Variants in SETX observed in about 807,000 individuals in gnomAD.
SETX encodes senataxin, also known as helicase senataxin.
Under a neutral mutation model 227.2 loss-of-function variants are expected in SETX, and 90 were observed. The observed-to-expected ratio is 0.40, with a 90% confidence interval of 0.33 to 0.47. The LOEUF (loss-of-function observed/expected upper bound fraction) is 0.47, where lower values mean the gene tolerates loss of function less well. Ranked by LOEUF, SETX falls within the 20% of genes least tolerant of loss-of-function variation. SETX has a pLI of 0.91. For missense variants in SETX, 3,052 were observed against 3,181.5 expected (o/e 0.96, Z 0.98); for synonymous variants, 1,210 against 1,113.2 (o/e 1.09, Z -1.73).
In SETX at chr9:132,334,659, G is replaced by T. The variant is rs746279986; in HGVS notation, c.787C>A (p.Gln263Lys). ...AGTATCGATTGCATAAAATCATTTT[G>T]TTTGTCTGAGCCCAACAACAGGGAA... ...MDSLLLGSDKQNDFMQSILHT... is the reference protein window; with the variant it reads ...MDSLLLGSDKKNDFMQSILHT... Residue 263 changes from glutamine to lysine, a missense_variant, in exon 7 of 26, where the codon CAA becomes AAA. By Grantham distance (53) the Gln-to-Lys change is moderately conservative (BLOSUM62 1). Coordinates refer to ENST00000224140, the MANE Select transcript of SETX (RefSeq NM_015046.7). 3.7e-6 allele frequency: 6 copies of T among 1,614,016 alleles called. No homozygotes were observed. In the South Asian group the frequency reaches 6.6e-5, roughly 18 times the overall value.
At chr9:132,325,929 A>G (rs12006250) in intron 10 of SETX, among the ~76,000 whole-genome samples, 3 of 123,146 alleles carry the variant, frequency 2.4e-5, no homozygotes, top group African/African-American at 9.7e-5. Flanking sequence ...GCAAAACTCC[A>G]CCTAAAAAAA....
intron 5 of SETX, among the ~76,000 whole-genome samples, chr9:132,340,556 A>G (rs1237335300): frequency 7.9e-6 from 1 of 127,000 alleles, no homozygotes; most frequent in African/African-American, 2.8e-5. Context: ...GTACTCACTC[A>G]CTGCCACGCA....
In SETX at chr9:132,271,739, G is replaced by A; in HGVS notation, c.7170C>T (p.Val2390=). The A allele has an allele frequency of 6.2e-7, 1 of 1,613,952 alleles. No homozygotes were observed. The highest frequency in any genetic ancestry group is 8.5e-7 in the Non-Finnish European group (1 of 1,179,962). The change falls in exon 24 of 26, where the codon GTC becomes GTT. Residue 2390 remains valine (V), a synonymous_variant. Coordinates refer to ENST00000224140, the MANE Select transcript of SETX (RefSeq NM_015046.7). ...TTGAACCTTGGATGCTATTTGCTCT[G>A]ACACACGTAACAATAACACAATCCT... ...RQKDCVIVTC[V]RANSIQGSIG...
intron 6 of SETX, 101 bp from the exon 7 acceptor site, chr9:132,334,828 A>G (rs1225084480): frequency 1.5e-6 from 2 of 1,300,548 alleles, no homozygotes; most frequent in East Asian, 4.7e-5. Flanking sequence ...ATGAAGCAAG[A>G]TAGTATTTAG....
At chr9:132,310,406 TAACA>T (rs1273497026) in intron 11 of SETX, among the ~76,000 whole-genome samples, 2 of 152,208 alleles carry the variant, frequency 1.3e-5, no homozygotes, top group Non-Finnish European at 2.9e-5. Flanking sequence ...GATATAAACT[TAACA>T]AAAATGCATT....
chr9:132,330,393 C>T lies in SETX; in HGVS notation c.1205G>A (p.Arg402His). 1.9e-6 allele frequency: 3 copies of T among 1,614,136 alleles called. No individual in the cohort carries two copies. Among genetic ancestry groups the T allele is most frequent in the Non-Finnish European group, 2.5e-6 (3 of 1,180,000 alleles). Residue 402 changes from arginine (R) to histidine (H), a missense_variant, in exon 10 of 26, where the codon CGT becomes CAT. Physicochemically the swap from Arg to His is conservative, Grantham distance 29. Transcript: ENST00000224140. ...VLQSDIGQDM[R>H]VHNSTFLWFI... ...CCATAGAAATGTGCTGTTATGAACA[C>T]GCATGTCTTGACCAATATCTGACTG...
rs747030923 is a variant in SETX at position 132,298,093 on chromosome 9, G to C, written c.5768C>G (p.Thr1923Arg). ...ATCATCACTCACAATTCTCTCAGAT[G>C]TTGTAGTCAGTAAATCTTTTGTACA... ...DFCTKDLLTT[T>R]SERIIAYLRD... Residue 1923 changes from threonine (T) to arginine (R), a missense_variant, in exon 13 of 26, where the codon ACA becomes AGA. This residue lies in a region of SETX where 239 missense variants were observed against 272.1 expected (regional missense o/e 0.88). Coordinates refer to ENST00000224140, the MANE Select transcript of SETX (RefSeq NM_015046.7). 4.3e-6 allele frequency: 7 copies of C among 1,612,498 alleles called. No homozygotes were observed.
At chr9:132,315,205 C>T (rs1433229457) in intron 10 of SETX, among the ~76,000 whole-genome samples, 2 of 152,170 alleles carry the variant, frequency 1.3e-5, no homozygotes, top group Non-Finnish European at 2.9e-5. Flanking sequence ...GCGTGAGCCA[C>T]TGTGCCTGGC....
At chr9:132,278,485 C>G (rs1473382915) in intron 20 of SETX, among the ~76,000 whole-genome samples, 13 of 118,498 alleles carry the variant, frequency 1.1e-4, no homozygotes, top group Non-Finnish European at 2.0e-4. Context: ...GACACAGTCT[C>G]GCTCTGTCAC....
intron 10 of SETX, among the ~76,000 whole-genome samples, chr9:132,320,452 C>T (rs192794903): frequency 6.6e-5 from 10 of 151,950 alleles, no homozygotes; most frequent in East Asian, 1.9e-4. Context: ...TGGTGCCGGA[C>T]GCCTGATGGC....
intron 15 of SETX, among the ~76,000 whole-genome samples, chr9:132,293,602 T>C (rs541166893): frequency 2.8e-4 from 43 of 152,224 alleles, no homozygotes; most frequent in Non-Finnish European, 5.3e-4. Context: ...GTATTTTTAG[T>C]AGGGACAGAG....
Position 132,278,867 on chromosome 9 carries a change from CATCT to C in SETX, c.6655-614_6655-611del, listed in dbSNP as rs555265639. 6.8e-4 allele frequency among the ~76,000 whole-genome samples: 104 copies of C among 152,250 alleles called. 1 individual carries two copies. The highest frequency in any genetic ancestry group is 1.9e-3 in the African/African-American group (78 of 41,548). On this transcript the variant is annotated intron_variant, in intron 20 of 25. Transcript: ENST00000224140. ...TTGAAGACAAAATTCTTCATTCATCCATCTAATATGTACTAAGCATCTATAATTT... is the reference window on the plus strand; with the variant it reads ...TTGAAGACAAAATTCTTCATTCATCCAATATGTACTAAGCATCTATAATTT...
chr9:132,334,803 T>C, intron 6 of SETX, 76 bp from the exon 7 acceptor site: 3 of 1,511,324 alleles, frequency 2.0e-6, no homozygotes, highest in South Asian at 1.1e-5. Context: ...TGCAAAAGAA[T>C]AACAAGGCAG....
At chr9:132,284,531 C>A (rs1463498016) in intron 18 of SETX, among the ~76,000 whole-genome samples, 1 of 152,200 alleles carries the variant, frequency 6.6e-6, no homozygotes, top group East Asian at 1.9e-4. Flanking sequence ...TTGATTAGGG[C>A]TGCATTCTGA....
chr9:132,276,050 C>T (rs78717556), intron 22 of SETX, among the ~76,000 whole-genome samples: 10,984 of 152,152 alleles, frequency 0.072, 775 homozygotes, highest in East Asian at 0.38. Context: ...AAAACACATG[C>T]TCCCTCATGA....
At chr9:132,295,652 T>A (rs1292240582) in intron 15 of SETX, among the ~76,000 whole-genome samples, 1 of 152,238 alleles carries the variant, frequency 6.6e-6, no homozygotes, top group Non-Finnish European at 1.5e-5. Context: ...CACTAGGCCG[T>A]GTGTCTCCTT....
chr9:132,356,206 C>T (rs190690926), upstream of SETX, among the ~76,000 whole-genome samples: 88 of 151,792 alleles, frequency 5.8e-4, no homozygotes, highest in East Asian at 4.9e-3. Context: ...CCTATCCCCC[C>T]CCTTTTTTGT....
chr9:132,266,786 A>C (rs7848731), intron 25 of SETX, among the ~76,000 whole-genome samples: 11,017 of 152,000 alleles, frequency 0.072, 770 homozygotes, highest in East Asian at 0.37. Context: ...AAAAACCCCC[A>C]AAAAAACCTT....
intron 3 of SETX, among the ~76,000 whole-genome samples, chr9:132,347,902 G>A (rs1229285610): frequency 2.0e-5 from 3 of 151,992 alleles, no homozygotes; most frequent in Non-Finnish European, 1.5e-5. Flanking sequence ...TATGGTCTAC[G>A]TTCTGTTTTT....
Sources: allele counts gnomAD v4.1 joint callset (sites outside exome capture counted in the v4.1 genomes callset), GRCh38; gene constraint gnomAD v4.1.1; regional missense constraint gnomAD v4.1.1; transcripts MANE v1.5; gene names NCBI Gene and HGNC (gene_info 2026-07-23, HGNC 2026-07-21).